RYR2: variants seen among roughly 807,000 people sequenced by gnomAD.
RYR2 encodes cardiac muscle ryanodine receptor-calcium release channel.
In RYR2, 227 loss-of-function variants were observed where a neutral mutation model predicts 601.1. The ratio of observed to expected loss-of-function variants is 0.38; its 90% CI spans 0.34 to 0.42. The LOEUF (loss-of-function observed/expected upper bound fraction) is 0.42. Ranked by LOEUF, RYR2 falls within the 10% of genes least tolerant of loss-of-function variation. RYR2 has a pLI of 1.00. For missense variants in RYR2, 4,646 were observed against 6,156.5 expected (o/e 0.75, Z 8.21); for synonymous variants, 2,223 against 2,175.1 (o/e 1.02, Z -0.61).
chr1:237,429,388 T>C (rs1231768080), intron 12 of RYR2, among the ~76,000 whole-genome samples: 2 of 152,094 alleles, frequency 1.3e-5, no homozygotes, highest in African/African-American at 4.8e-5. Flanking sequence ...TGGTTACATA[T>C]AACTGGGCTG....
At chr1:237,722,495 G>A (rs907547727) in intron 73 of RYR2, among the ~76,000 whole-genome samples, 24 of 150,276 alleles carry the variant, frequency 1.6e-4, no homozygotes, top group East Asian at 9.8e-4. Context: ...GTGCAGTGGC[G>A]CGATCTCGGC....
intron 10 of RYR2, among the ~76,000 whole-genome samples, chr1:237,397,770 G>A (rs1257431771): frequency 6.7e-6 from 1 of 148,762 alleles, no homozygotes; most frequent in African/African-American, 2.5e-5. Flanking sequence ...CACCCAGGCT[G>A]GAGTGCAGTG....
chr1:237,042,542 C>A lies in RYR2; in HGVS notation c.21C>A (p.Gly7=), dbSNP rs988712614. Residue 7 remains glycine, a synonymous_variant, in exon 1 of 105, where the codon GGC becomes GGA. Transcript: ENST00000366574. MADGGE[G]EDEIQFLRTD... ...GAACCATGGCCGATGGGGGCGAGGG[C>A]GAAGACGAGATCCAGTTCCTGCGAA... The A allele has an allele frequency of 1.6e-6, 2 of 1,259,568 alleles. No individual in the cohort carries two copies. The highest frequency in any genetic ancestry group is 4.0e-5 in the Admixed American group (1 of 24,780). The allele number at this position is 1,259,568 out of a possible 1,614,324, so 78.0% of individuals were successfully genotyped here.
intron 78 of RYR2, 129 bp downstream of exon 78, chr1:237,732,278 A>T (rs984193517): frequency 3.8e-6 from 2 of 522,858 alleles, no homozygotes; most frequent in African/African-American, 3.9e-5. Context: ...TTGTTCAAAG[A>T]TAACAACCAG....
At chr1:237,071,782 G>A (rs931394740) in intron 1 of RYR2, among the ~76,000 whole-genome samples, 3 of 152,218 alleles carry the variant, frequency 2.0e-5, no homozygotes, top group Non-Finnish European at 4.4e-5. Context: ...CCCAGGCTGT[G>A]CACACCGAGG....
At chr1:237,816,486 C>G (rs544355342) in intron 100 of RYR2, among the ~76,000 whole-genome samples, 1 of 152,006 alleles carries the variant, frequency 6.6e-6, no homozygotes, top group Non-Finnish European at 1.5e-5. Flanking sequence ...AGGAGTTGTT[C>G]GAGACCAGCC....
At chr1:237,731,295 A>T (rs1227977529) in intron 77 of RYR2, among the ~76,000 whole-genome samples, 1 of 152,146 alleles carries the variant, frequency 6.6e-6, no homozygotes, top group African/African-American at 2.4e-5. Flanking sequence ...GTTGGATGTA[A>T]TTGAATTCTG....
chr1:237,414,230 C>CA (rs35318801), intron 10 of RYR2, among the ~76,000 whole-genome samples: 60,230 of 151,990 alleles, frequency 0.4, 13,786 homozygotes, highest in African/African-American at 0.64. Flanking sequence ...TTTTGTCATT[C>CA]AGTCTTACTT....
chr1:237,387,175 A>G, intron 8 of RYR2, 106 bp from the exon 9 acceptor site: 2 of 953,638 alleles, frequency 2.1e-6, no homozygotes, highest in Non-Finnish European at 3.4e-6. Flanking sequence ...GATGTTCTCT[A>G]TGAACATAAC....
chr1:237,542,153 G>A (rs1210107909), intron 25 of RYR2, among the ~76,000 whole-genome samples: 2 of 151,846 alleles, frequency 1.3e-5, no homozygotes, highest in East Asian at 1.9e-4. Flanking sequence ...GAGTGCGATG[G>A]CGCCATCTCG....
At chr1:237,042,958 A>C (rs1372601671) in intron 1 of RYR2, among the ~76,000 whole-genome samples, 1 of 152,062 alleles carries the variant, frequency 6.6e-6, no homozygotes, top group Non-Finnish European at 1.5e-5. Context: ...GGTGCAGAGC[A>C]GGGTGGCCCG....
At chr1:237,751,355 A>T (rs1692520531) in intron 80 of RYR2, among the ~76,000 whole-genome samples, 1 of 152,192 alleles carries the variant, frequency 6.6e-6, no homozygotes, top group Non-Finnish European at 1.5e-5. Context: ...ATGATGAGTC[A>T]ACTTAACTTT....
chr1:237,606,650 A>C (rs1204286162), intron 35 of RYR2, among the ~76,000 whole-genome samples: 1 of 152,192 alleles, frequency 6.6e-6, no homozygotes, highest in Non-Finnish European at 1.5e-5. Context: ...AATGGGAGAA[A>C]ATTTTTGCAT....
At chr1:237,171,199 A>G (rs1677332435) in intron 1 of RYR2, among the ~76,000 whole-genome samples, 1 of 148,194 alleles carries the variant, frequency 6.7e-6, no homozygotes, top group Admixed American at 6.9e-5. Flanking sequence ...GCACCACTAC[A>G]CTCCAGCCTG....
rs190942713 is a variant in RYR2, at chr1:237,687,416, C to T, written c.9018-39C>T. 4,075 of 977,648 alleles carry T rather than the reference C, an allele frequency of 4.2e-3. 21 individuals are homozygous for T. The highest frequency in any genetic ancestry group is 9.4e-3 in the Admixed American group (433 of 46,254). 60.6% of individuals were successfully genotyped at this position (977,648 alleles called of 1,614,324 possible). A position where few individuals can be genotyped will look rare whatever the true frequency, so the allele number is the denominator to read the frequency against. On this transcript the variant is annotated intron_variant, in intron 62 of 104. Coordinates refer to ENST00000366574, the MANE Select transcript of RYR2 (RefSeq NM_001035.3). ...CCCCTGTCTTTTCTACCTTCCCTTC[C>T]CCCTTCCCTTTTCTCTTTTGTTTTT...
At chr1:237,675,064 T>C (rs746993315) in intron 60 of RYR2, among the ~76,000 whole-genome samples, 19 of 152,176 alleles carry the variant, frequency 1.2e-4, no homozygotes, top group Admixed American at 2.6e-4. Flanking sequence ...ATATAAGTTA[T>C]TCCCCTTATA....
chr1:237,412,756 AG>A (rs1219526354), intron 10 of RYR2, among the ~76,000 whole-genome samples: 1 of 152,142 alleles, frequency 6.6e-6, no homozygotes, highest in Non-Finnish European at 1.5e-5. Flanking sequence ...TTACCTCAAA[AG>A]GTGCTGTTGC....
intron 1 of RYR2, among the ~76,000 whole-genome samples, chr1:237,188,934 C>A (rs549041437): frequency 6.6e-6 from 1 of 152,246 alleles, no homozygotes; most frequent in South Asian, 2.1e-4. Flanking sequence ...CATCCTCAGG[C>A]ATATAATTTA....
chr1:237,395,610 G>A (rs1211584651), intron 10 of RYR2, among the ~76,000 whole-genome samples: 27 of 138,376 alleles, frequency 2.0e-4, no homozygotes, highest in Admixed American at 1.2e-3. Context: ...GCAGTGGCGC[G>A]ATCTCTGCTC....
Sources: gnomAD v4.1 joint callset for allele counts (sites outside exome capture counted in the v4.1 genomes callset) on GRCh38, gnomAD v4.1.1 for gene constraint, MANE v1.5 for transcripts, NCBI Gene and HGNC (gene_info 2026-07-23, HGNC 2026-07-21) for gene names.